CNTN5: variants seen among roughly 807,000 people sequenced by gnomAD.
CNTN5 encodes contactin 5.
A neutral mutation model predicts 129.1 loss-of-function variants in CNTN5; 77 were observed. The ratio of observed to expected loss-of-function variants is 0.60; its 90% CI spans 0.50 to 0.72. The LOEUF is 0.72. Among genes scored for constraint, CNTN5 ranks in the 30% least tolerant of loss-of-function variants. The pLI, the probability that CNTN5 is intolerant of heterozygous loss-of-function variation, is 0.00. For missense variants in CNTN5, 1,478 were observed against 1,328.8 expected (o/e 1.11, Z -1.75); for synonymous variants, 509 against 465.6 (o/e 1.09, Z -1.20).
At chr11:99,277,610 T>A (rs1170069028) in intron 1 of CNTN5, among the ~76,000 whole-genome samples, 1 of 151,732 alleles carries the variant, frequency 6.6e-6, no homozygotes, top group Non-Finnish European at 1.5e-5. Flanking sequence ...TTTTTTATCC[T>A]CTCATTTCAA....
At chr11:99,724,218 ACTCT>A (rs748010117) in intron 3 of CNTN5, among the ~76,000 whole-genome samples, 1 of 151,018 alleles carries the variant, frequency 6.6e-6, no homozygotes, top group African/African-American at 2.4e-5. Context: ...GGATCTATAT[ACTCT>A]CTCTTTGTTT....
intron 15 of CNTN5, among the ~76,000 whole-genome samples, chr11:100,195,262 T>C (rs992257880): frequency 6.6e-6 from 1 of 151,974 alleles, no homozygotes; most frequent in Non-Finnish European, 1.5e-5. Context: ...AAAAAATACA[T>C]CTAAAAATAA....
chr11:99,342,819 A>C (rs1307649643), intron 2 of CNTN5, among the ~76,000 whole-genome samples: 2 of 152,088 alleles, frequency 1.3e-5, no homozygotes, highest in Non-Finnish European at 1.5e-5. Context: ...GGACTATAAA[A>C]AAATCTTTGG....
chr11:100,077,308 T>C (rs554912236), intron 13 of CNTN5, among the ~76,000 whole-genome samples: 1 of 152,274 alleles, frequency 6.6e-6, no homozygotes, highest in East Asian at 1.9e-4. Context: ...TAAATATAAA[T>C]ATCACTCATA....
chr11:99,063,556 A>G (rs10892745), intron 1 of CNTN5, among the ~76,000 whole-genome samples: 71,606 of 151,766 alleles, frequency 0.47, 17,245 homozygotes, highest in South Asian at 0.53. Context: ...AAATAAACGC[A>G]TGAGCATATG....
intron 4 of CNTN5, among the ~76,000 whole-genome samples, chr11:99,832,582 A>G (rs74546067): frequency 0.016 from 2,497 of 152,306 alleles, 74 homozygotes; most frequent in African/African-American, 0.057. Flanking sequence ...CATAAACTTC[A>G]TTTCAATGTT....
chr11:99,132,898 A>C (rs1014269160), intron 1 of CNTN5, among the ~76,000 whole-genome samples: 1 of 152,134 alleles, frequency 6.6e-6, no homozygotes, highest in African/African-American at 2.4e-5. Flanking sequence ...GTATTAGAAA[A>C]AAACTATTTA....
intron 10 of CNTN5, among the ~76,000 whole-genome samples, chr11:100,064,996 C>T (rs550247104): frequency 4.6e-5 from 7 of 152,170 alleles, no homozygotes; most frequent in African/African-American, 1.7e-4. Flanking sequence ...TCATGTGCGT[C>T]ACCAACTAGT....
At chr11:99,997,672 T>C (rs1028875639) in intron 8 of CNTN5, among the ~76,000 whole-genome samples, 3 of 152,218 alleles carry the variant, frequency 2.0e-5, no homozygotes, top group South Asian at 2.1e-4. Flanking sequence ...AGCATCATCC[T>C]GAGACCAAAG....
intron 2 of CNTN5, among the ~76,000 whole-genome samples, chr11:99,466,022 C>G (rs1944925434): frequency 1.3e-5 from 2 of 152,040 alleles, no homozygotes; most frequent in Admixed American, 1.3e-4. Flanking sequence ...GCTGGGACTA[C>G]AGGTGTCCGC....
At chr11:100,240,224 G>T (rs113383912) in intron 16 of CNTN5, among the ~76,000 whole-genome samples, 2 of 149,218 alleles carry the variant, frequency 1.3e-5, no homozygotes, top group Non-Finnish European at 3.0e-5. Flanking sequence ...TCAACACCCC[G>T]CCCCACACCC....
chr11:99,153,572 G>A (rs1054219031), intron 1 of CNTN5, among the ~76,000 whole-genome samples: 3 of 149,682 alleles, frequency 2.0e-5, no homozygotes, highest in African/African-American at 4.9e-5. Flanking sequence ...CCTTGGATTC[G>A]GTTTCTACTT....
chr11:100,152,409 G>A (rs183039204), intron 13 of CNTN5, among the ~76,000 whole-genome samples: 2 of 152,152 alleles, frequency 1.3e-5, no homozygotes, highest in African/African-American at 4.8e-5. Context: ...TTCACGTACT[G>A]CCAAAACAAA....
chr11:99,193,976 TAG>T (rs1858776923), intron 1 of CNTN5, among the ~76,000 whole-genome samples: 1 of 112,822 alleles, frequency 8.9e-6, no homozygotes. Flanking sequence ...TTAAAATGAA[TAG>T]AGAACATGGT....
chr11:99,435,269 C>G (rs1943555140), intron 2 of CNTN5, among the ~76,000 whole-genome samples: 1 of 152,138 alleles, frequency 6.6e-6, no homozygotes, highest in African/African-American at 2.4e-5. Flanking sequence ...CTTATGCCAT[C>G]TTAAGAAACA....
intron 24 of CNTN5, among the ~76,000 whole-genome samples, chr11:100,355,818 A>G (rs1243412760): frequency 6.6e-6 from 1 of 151,690 alleles, no homozygotes; most frequent in Non-Finnish European, 1.5e-5. Context: ...TATCAAAATT[A>G]TTTTATTTTT....
At chr11:99,735,714 G>C (rs1335285294) in intron 3 of CNTN5, among the ~76,000 whole-genome samples, 1 of 152,102 alleles carries the variant, frequency 6.6e-6, no homozygotes, top group African/African-American at 2.4e-5. Context: ...TGTACAACTT[G>C]ATGTATTGAT....
intron 1 of CNTN5, among the ~76,000 whole-genome samples, chr11:99,129,958 A>G (rs1858847574): frequency 6.6e-6 from 1 of 152,218 alleles, no homozygotes. Flanking sequence ...GAGCTTCTGA[A>G]GAAAGCACTA....
chr11:99,561,750 A>G (rs1389985016), intron 3 of CNTN5, among the ~76,000 whole-genome samples: 1 of 636 alleles, frequency 1.6e-3, no homozygotes, highest in East Asian at 0.25. Context: ...ATCAAAACTT[A>G]GGAAAATTAG....
Sources: gnomAD v4.1 joint callset for allele counts (sites outside exome capture counted in the v4.1 genomes callset) on GRCh38, gnomAD v4.1.1 for gene constraint, MANE v1.5 for transcripts, NCBI Gene and HGNC (gene_info 2026-07-23, HGNC 2026-07-21) for gene names.